The following FAM149B1 variants were observed in gnomAD, a reference collection of about 807,000 sequenced individuals.
FAM149B1 encodes family with sequence similarity 149 member B1.
FAM149B1 carries 56 observed loss-of-function variants against 75.3 expected under a neutral mutation model. The observed-to-expected ratio is 0.74, with a 90% CI of 0.60 to 0.93. The LOEUF is 0.93. FAM149B1 is among the 40% of genes least tolerant of loss of function. The probability of loss-of-function intolerance (pLI) is 0.00; values close to 1 mark genes in which losing one functional copy is unlikely to be tolerated. For missense variants in FAM149B1, 639 were observed against 708.4 expected (o/e 0.90, Z 1.11); for synonymous variants, 259 against 256.1 (o/e 1.01, Z -0.11).
intron 5 of FAM149B1, among the ~76,000 whole-genome samples, chr10:73,194,315 G>GT (rs1306045938): frequency 6.6e-6 from 1 of 151,912 alleles, no homozygotes; most frequent in East Asian, 1.9e-4. Context: ...AAATAGAATG[G>GT]TTTTTTAAAA....
In FAM149B1 at chr10:73,191,401, A is replaced by G. The variant is rs531966149; in HGVS notation, c.283-1155A>G. Among the ~76,000 whole-genome samples the G allele has an allele frequency of 2.3e-4, 35 of 150,674 alleles. 1 individual carries two copies. The South Asian group carries it at 5.1e-3, about 22-fold the overall frequency. On this transcript the variant is annotated intron_variant, in intron 3 of 13. Transcript: ENST00000242505. ...GCCCAGGCAGGAGTGCAATAGCACA[A>G]TCTCGGCTCACCGCAACCTCCGCCT... is the stretch of plus-strand genomic sequence containing the variant.
chr10:73,204,503 A>G (rs530299068), intron 5 of FAM149B1, among the ~76,000 whole-genome samples: 1 of 152,300 alleles, frequency 6.6e-6, no homozygotes, highest in East Asian at 1.9e-4. Context: ...CAAAGTGTAA[A>G]TTGGTTATAT....
chr10:73,238,461 C>T (rs2043872021), intron 12 of FAM149B1, among the ~76,000 whole-genome samples: 1 of 152,260 alleles, frequency 6.6e-6, no homozygotes, highest in Non-Finnish European at 1.5e-5. Flanking sequence ...TCCTGGGCTA[C>T]TCACTTGGCC....
At chr10:73,198,175 C>T (rs1043880768) in intron 5 of FAM149B1, among the ~76,000 whole-genome samples, 13 of 152,168 alleles carry the variant, frequency 8.5e-5, no homozygotes, top group Non-Finnish European at 2.9e-5. Flanking sequence ...CGAAGTTGGA[C>T]CCTTACTTAT....
chr10:73,228,391 C>G (rs1438794696), intron 8 of FAM149B1, among the ~76,000 whole-genome samples: 1 of 152,148 alleles, frequency 6.6e-6, no homozygotes. Flanking sequence ...TCTCAGTCAG[C>G]TCTTCTAAGG....
intron 12 of FAM149B1, among the ~76,000 whole-genome samples, chr10:73,236,710 C>G (rs1025980453): frequency 1.3e-5 from 2 of 150,644 alleles, no homozygotes; most frequent in African/African-American, 4.9e-5. Flanking sequence ...CTGTACCCGG[C>G]CTTTTTTTTC....
chr10:73,211,099 G>A (rs1428927104), intron 7 of FAM149B1, among the ~76,000 whole-genome samples: 21 of 152,158 alleles, frequency 1.4e-4, no homozygotes, highest in Admixed American at 1.4e-3. Flanking sequence ...TCCAAGTTGT[G>A]ACCTGTACTT....
At chr10:73,222,546 T>G (rs552650146) in intron 7 of FAM149B1, among the ~76,000 whole-genome samples, 2 of 152,316 alleles carry the variant, frequency 1.3e-5, no homozygotes, top group South Asian at 4.1e-4. Context: ...TTCTCTTCTT[T>G]AAGATACTCT....
intron 5 of FAM149B1, among the ~76,000 whole-genome samples, chr10:73,201,385 G>A (rs2042934887): frequency 6.6e-6 from 1 of 152,204 alleles, no homozygotes; most frequent in African/African-American, 2.4e-5. Flanking sequence ...AACATTAGTC[G>A]TGAGCTCTTG....
At chr10:73,206,855 C>T (rs1056324754) in intron 5 of FAM149B1, among the ~76,000 whole-genome samples, 4 of 152,192 alleles carry the variant, frequency 2.6e-5, no homozygotes, top group East Asian at 1.9e-4. Flanking sequence ...GTGGAGGTTG[C>T]GGTGAGCTGA....
At chr10:73,168,438 G>A in intron 1 of FAM149B1, 52 bp downstream of exon 1, 1 of 1,545,204 alleles carries the variant, frequency 6.5e-7, no homozygotes, top group Non-Finnish European at 8.7e-7. Flanking sequence ...GGCGCTCTGG[G>A]GACCCTCCTT....
At chr10:73,235,787 C>T (rs1308762829) in intron 12 of FAM149B1, among the ~76,000 whole-genome samples, 1 of 152,168 alleles carries the variant, frequency 6.6e-6, no homozygotes, top group African/African-American at 2.4e-5. Flanking sequence ...CCTGCCTTAG[C>T]CTCCCGAGTA....
At chr10:73,203,609 A>G (rs528455138) in intron 5 of FAM149B1, among the ~76,000 whole-genome samples, 1 of 151,436 alleles carries the variant, frequency 6.6e-6, no homozygotes, top group African/African-American at 2.4e-5. Flanking sequence ...GCTAGTTTCT[A>G]TTTTTGGCAA....
chr10:73,174,687 G>A lies in FAM149B1; in HGVS notation c.48G>A (p.Leu16=). The stretch of plus-strand genomic sequence containing the variant: ...TATAACTTTGTTTTGTCTTTCACAG[G>A]AAAGGAATAACAAAACATGCTCTTA... ...TRKAVPQSLE[L]KGITKHALNH... is the part of the protein sequence containing the mutation. The change falls in exon 2 of 14, where the codon CTG becomes CTA. Residue 16 remains leucine (L), a splice_region_variant and synonymous_variant. Coordinates refer to ENST00000242505, the MANE Select transcript of FAM149B1 (RefSeq NM_173348.2). 1 of 1,543,750 alleles carries A rather than the reference G, an allele frequency of 6.5e-7. No individual in the cohort carries two copies. Among genetic ancestry groups the A allele is most frequent in the Non-Finnish European group, 8.8e-7 (1 of 1,141,188 alleles).
At chr10:73,175,231 G>A (rs1219062239) in intron 2 of FAM149B1, among the ~76,000 whole-genome samples, 1 of 152,132 alleles carries the variant, frequency 6.6e-6, no homozygotes, top group Non-Finnish European at 1.5e-5. Context: ...ATAGCCAAGT[G>A]TGGGGATGTG....
chr10:73,235,876 C>T (rs1200308790), intron 12 of FAM149B1, among the ~76,000 whole-genome samples: 3 of 152,120 alleles, frequency 2.0e-5, no homozygotes, highest in Admixed American at 2.0e-4. Context: ...CTGACACTGC[C>T]TACCATTTAT....
chr10:73,201,487 T>G (rs2042937903), intron 5 of FAM149B1, among the ~76,000 whole-genome samples: 1 of 152,248 alleles, frequency 6.6e-6, no homozygotes, highest in South Asian at 2.1e-4. Context: ...CTTAGAAATT[T>G]ATTTCCTAGT....
chr10:73,194,662 C>CTTTTTT (rs113859832), intron 5 of FAM149B1, among the ~76,000 whole-genome samples: 1 of 147,070 alleles, frequency 6.8e-6, no homozygotes, highest in African/African-American at 2.5e-5. Context: ...CGCACCCAGA[C>CTTTTTT]TTTTTTTTTT....
intron 9 of FAM149B1, chr10:73,230,734 A>AG (rs2043672872): frequency 2.1e-6 from 1 of 472,558 alleles, no homozygotes; most frequent in Admixed American, 3.3e-5. Flanking sequence ...AAAAAGACCT[A>AG]ACCATATGTG....
Sources: gnomAD v4.1 joint callset for allele counts (sites outside exome capture counted in the v4.1 genomes callset) on GRCh38, gnomAD v4.1.1 for gene constraint, MANE v1.5 for transcripts, NCBI Gene and HGNC (gene_info 2026-07-23, HGNC 2026-07-21) for gene names.